LPP: variants seen among roughly 807,000 people sequenced by gnomAD.
LPP encodes the protein LIM domain containing preferred translocation partner in lipoma.
LPP carries 38 observed loss-of-function variants against 60.4 expected under a neutral mutation model. The ratio of observed to expected loss-of-function variants is 0.63; its 90% CI spans 0.49 to 0.83. The LOEUF (loss-of-function observed/expected upper bound fraction) is 0.83, where lower values mean the gene tolerates loss of function less well. Ranked by LOEUF, LPP falls within the 40% of genes least tolerant of loss-of-function variation. The pLI is 0.00. For missense variants in LPP, 902 were observed against 783.6 expected (o/e 1.15, Z -1.80); for synonymous variants, 328 against 290.8 (o/e 1.13, Z -1.30).
chr3:188,386,260 G>GCACACACACACACACACACACA (rs1491279764), intron 3 of LPP, among the ~76,000 whole-genome samples: 1 of 96,742 alleles, frequency 1.0e-5, no homozygotes, highest in Admixed American at 1.1e-4. Flanking sequence ...GTCATAGCAT[G>GCACACACACACACACACACACA]CGCGCACACA....
At chr3:188,247,330 A>T (rs1181264044) in intron 2 of LPP, 1 of 185,414 alleles carries the variant, frequency 5.4e-6, no homozygotes, top group African/African-American at 2.4e-5. Flanking sequence ...GTAGGAGAGC[A>T]ATACCTTTGA....
At chr3:188,401,754 T>C (rs929334480) in intron 3 of LPP, among the ~76,000 whole-genome samples, 9 of 152,128 alleles carry the variant, frequency 5.9e-5, no homozygotes, top group African/African-American at 2.2e-4. Context: ...GCGAGTTTAG[T>C]TTGGGGAACA....
chr3:188,224,831 GC>G (rs71634068), intron 1 of LPP, among the ~76,000 whole-genome samples: 1 of 152,024 alleles, frequency 6.6e-6, no homozygotes. Context: ...TGAGAAATCC[GC>G]CCCCATCATC....
intron 6 of LPP, among the ~76,000 whole-genome samples, chr3:188,573,011 A>G (rs1692559152): frequency 6.6e-6 from 1 of 152,158 alleles, no homozygotes; most frequent in Non-Finnish European, 1.5e-5. Context: ...TAGGGTTGCC[A>G]CAGAGCAGAG....
intron 2 of LPP, among the ~76,000 whole-genome samples, chr3:188,332,638 A>C (rs1760430671): frequency 6.6e-6 from 1 of 152,222 alleles, no homozygotes; most frequent in Admixed American, 6.5e-5. Context: ...TTCAAGATGC[A>C]TGATCAACTA....
At chr3:188,691,133 G>A (rs183355757) in intron 7 of LPP, among the ~76,000 whole-genome samples, 39 of 152,210 alleles carry the variant, frequency 2.6e-4, no homozygotes, top group African/African-American at 9.2e-4. Context: ...CTGCCACCTT[G>A]TGCCTGCTCA....
intron 1 of LPP, among the ~76,000 whole-genome samples, chr3:188,198,781 G>C (rs1730237472): frequency 6.6e-6 from 1 of 152,130 alleles, no homozygotes; most frequent in Admixed American, 6.5e-5. Flanking sequence ...GACAACCCTA[G>C]AGAAACTGGT....
intron 4 of LPP, among the ~76,000 whole-genome samples, chr3:188,431,686 G>A (rs923441993): frequency 6.6e-6 from 1 of 152,160 alleles, no homozygotes; most frequent in Non-Finnish European, 1.5e-5. Flanking sequence ...TGAGGCCTAT[G>A]TAAATCAACA....
At chr3:188,419,129 A>G (rs572482909) in intron 4 of LPP, among the ~76,000 whole-genome samples, 10 of 152,216 alleles carry the variant, frequency 6.6e-5, no homozygotes, top group Admixed American at 3.3e-4. Flanking sequence ...ATGCCACCCA[A>G]TGTGATTCCT....
At position 188,841,899 on chromosome 3, in the gene LPP, G is replaced by A. The variant is rs563217385; in HGVS notation, c.1411-24301G>A. On this transcript the variant is annotated intron_variant, in intron 9 of 11. Transcript: ENST00000617246. Reference sequence around the variant, plus strand: ...TGATTTTTGCATATTGATTTTGTACGCTGAGACTTTGCTGAAGTTACCCAC... The same window carrying A: ...TGATTTTTGCATATTGATTTTGTACACTGAGACTTTGCTGAAGTTACCCAC... Among the ~76,000 whole-genome samples the A allele has an allele frequency of 3.9e-5, 6 of 152,172 alleles. No homozygotes were observed. The East Asian group carries it at 7.7e-4, about 20-fold the overall frequency.
At chr3:188,348,766 A>G (rs1357250599) in intron 3 of LPP, among the ~76,000 whole-genome samples, 1 of 152,168 alleles carries the variant, frequency 6.6e-6, no homozygotes, top group African/African-American at 2.4e-5. Flanking sequence ...TTAGTGTTTG[A>G]GAAACATTCA....
At chr3:188,549,836 A>G (rs1278238590) in intron 6 of LPP, among the ~76,000 whole-genome samples, 3 of 152,212 alleles carry the variant, frequency 2.0e-5, no homozygotes, top group Non-Finnish European at 2.9e-5. Context: ...AAACAACAAT[A>G]AATGTTTGCA....
chr3:188,612,296 G>A (rs764745432), intron 7 of LPP, among the ~76,000 whole-genome samples: 40 of 152,114 alleles, frequency 2.6e-4, no homozygotes, highest in African/African-American at 7.0e-4. Flanking sequence ...AATTCTGGGC[G>A]CGTTGTGAGG....
chr3:188,383,445 T>A (rs1052902177), intron 3 of LPP, among the ~76,000 whole-genome samples: 2 of 152,206 alleles, frequency 1.3e-5, no homozygotes, highest in Non-Finnish European at 2.9e-5. Context: ...TCTTCTTACT[T>A]CCTTAGCATG....
At chr3:188,226,488 G>A (rs1265761597) in intron 2 of LPP, among the ~76,000 whole-genome samples, 1 of 152,068 alleles carries the variant, frequency 6.6e-6, no homozygotes, top group Non-Finnish European at 1.5e-5. Context: ...CTTGTGTTTT[G>A]GTGTACCTCT....
chr3:188,790,356 G>A (rs1177874192), intron 9 of LPP, among the ~76,000 whole-genome samples: 1 of 152,010 alleles, frequency 6.6e-6, no homozygotes, highest in African/African-American at 2.4e-5. Flanking sequence ...GTGCGTGTGT[G>A]TGTGTGTACA....
At chr3:188,579,317 G>GA (rs907618967) in intron 6 of LPP, among the ~76,000 whole-genome samples, 1 of 152,108 alleles carries the variant, frequency 6.6e-6, no homozygotes, top group African/African-American at 2.4e-5. Flanking sequence ...AGAACACTGG[G>GA]AAAAAAGGTC....
chr3:188,315,981 A>G (rs1754920155), intron 2 of LPP, among the ~76,000 whole-genome samples: 1 of 152,218 alleles, frequency 6.6e-6, no homozygotes, highest in African/African-American at 2.4e-5. Flanking sequence ...TGTCTTTCTA[A>G]AGATTAGCCT....
At chr3:188,214,213 C>G (rs1034199233) in intron 1 of LPP, among the ~76,000 whole-genome samples, 1 of 152,100 alleles carries the variant, frequency 6.6e-6, no homozygotes, top group African/African-American at 2.4e-5. Context: ...TCACTGCAAC[C>G]TCCGCCTCCT....
Sources: gnomAD v4.1 joint callset for allele counts (sites outside exome capture counted in the v4.1 genomes callset) on GRCh38, gnomAD v4.1.1 for gene constraint, MANE v1.5 for transcripts, NCBI Gene and HGNC (gene_info 2026-07-23, HGNC 2026-07-21) for gene names.